MBD1: variants seen among roughly 807,000 people sequenced by gnomAD.
The protein encoded by MBD1 is methyl-CpG-binding domain protein 1.
A neutral mutation model predicts 82.6 loss-of-function variants in MBD1; 25 were observed. The observed-to-expected ratio is 0.30, with a 90% confidence interval of 0.22 to 0.42. MBD1 has a LOEUF of 0.42. Ranked by LOEUF, MBD1 falls within the 10% of genes least tolerant of loss-of-function variation. The pLI, the probability that MBD1 is intolerant of heterozygous loss-of-function variation, is 1.00. For synonymous variants in MBD1, 301 were observed against 303.7 expected (o/e 0.99, Z 0.09); for missense variants, 627 against 819.6 (o/e 0.76, Z 2.87).
chr18:50,278,238 A>G (rs1395992128), intron 2 of MBD1, among the ~76,000 whole-genome samples: 3 of 152,238 alleles, frequency 2.0e-5, no homozygotes, highest in Admixed American at 1.3e-4. Context: ...ATTCAAAACT[A>G]ATGAATTGTT....
chr18:50,276,433 A>T lies in MBD1; in HGVS notation c.476-15T>A. ...AATTCTCTGTGCTGTGGGGAGGAAG[A>T]GGGAAGAAGAAAAGTGGAAAGGAAG... On this transcript the variant is annotated splice_polypyrimidine_tract_variant and intron_variant, in intron 5 of 16. Coordinates refer to ENST00000269468, the MANE Select transcript of MBD1 (RefSeq NM_015846.4). 1 of 1,613,924 alleles carries T rather than the reference A, an allele frequency of 6.2e-7. No homozygotes were observed. The highest frequency in any genetic ancestry group is 1.3e-5 in the African/African-American group (1 of 75,034).
intron 16 of MBD1, chr18:50,270,117 A>AGTCTTT: frequency 6.3e-7 from 1 of 1,598,288 alleles, no homozygotes; most frequent in African/African-American, 1.3e-5. Context: ...CAGTCTATCC[A>AGTCTTT]GTCTTGACTA....
In MBD1 at chr18:50,269,146, A is replaced by C; in HGVS notation, c.*705T>G. On this transcript the variant is annotated 3_prime_UTR_variant, in exon 17 of 17. Coordinates refer to ENST00000269468, the MANE Select transcript of MBD1 (RefSeq NM_015846.4). Reference sequence around the variant, plus strand: ...AGGCCAGGTTCTCAATACTTGAATAAATGACACAAAAATAGCCAGGACCAG... The same window carrying C: ...AGGCCAGGTTCTCAATACTTGAATACATGACACAAAAATAGCCAGGACCAG... 2.9e-6 allele frequency: 3 copies of C among 1,037,390 alleles called. No homozygotes were observed. The highest frequency in any genetic ancestry group is 3.5e-6 in the Non-Finnish European group (3 of 861,318). The allele number at this position is 1,037,390 out of a possible 1,614,324, so 64.3% of individuals were successfully genotyped here. A position where few individuals can be genotyped will look rare whatever the true frequency, so the allele number is the denominator to read the frequency against.
At chr18:50,281,532 A>G (rs1255643353), upstream of MBD1, 12 of 575,916 alleles carry the variant, frequency 2.1e-5, no homozygotes, top group Admixed American at 9.5e-5. Context: ...CCGGAACCGG[A>G]AGTCCGCTGC....
intron 3 of MBD1, 30 bp from the exon 4 acceptor site, chr18:50,277,028 T>G (rs2038192771): frequency 6.2e-7 from 1 of 1,613,988 alleles, no homozygotes. Context: ...GGAATATGGG[T>G]CAGTGGTTGG....
intron 2 of MBD1, among the ~76,000 whole-genome samples, chr18:50,278,303 T>C (rs2148595293): frequency 6.6e-6 from 1 of 152,342 alleles, no homozygotes; most frequent in African/African-American, 2.4e-5. Flanking sequence ...TGTAGGTAAC[T>C]AAAGCTGTGG....
intron 2 of MBD1, 126 bp downstream of exon 2, chr18:50,279,757 T>C (rs2039488848): frequency 2.4e-6 from 3 of 1,271,548 alleles, no homozygotes; most frequent in African/African-American, 3.0e-5. Flanking sequence ...AAACATAAAA[T>C]CCGCTAATAA....
At position 50,273,694 on chromosome 18, in the gene MBD1, G is replaced by T; in HGVS notation, c.1316C>A (p.Thr439Lys). The part of the protein sequence containing the change: ...TAQPDHTQAP[T>K]KQEAGGGFVL... Reference sequence around the variant, plus strand: ...AAAGCCACCACCTGCTTCCTGCTTCGTTGGAGCCTGGGTATGGTCTGGTTG... The same window carrying T: ...AAAGCCACCACCTGCTTCCTGCTTCTTTGGAGCCTGGGTATGGTCTGGTTG... The change falls in exon 12 of 17, where the codon ACG becomes AAG. Residue 439 changes from threonine to lysine, a missense_variant. By Grantham distance (78) the Thr-to-Lys change is moderately conservative. Coordinates refer to ENST00000269468, the MANE Select transcript of MBD1 (RefSeq NM_015846.4). 6.2e-7 allele frequency: 1 copy of T among 1,614,128 alleles called. No homozygotes were observed. The highest frequency in any genetic ancestry group is 1.7e-5 in the Admixed American group (1 of 60,034).
At chr18:50,276,236 A>G in intron 6 of MBD1, 142 bp downstream of exon 6, 1 of 905,830 alleles carries the variant, frequency 1.1e-6, no homozygotes, top group Non-Finnish European at 1.8e-6. Context: ...AATTCCCATT[A>G]TTGTGTCTGC....
At chr18:50,274,013 C>T in intron 11 of MBD1, 150 bp from the exon 12 acceptor site, 1 of 1,301,962 alleles carries the variant, frequency 7.7e-7, no homozygotes, top group Non-Finnish European at 1.1e-6. Context: ...TGCTAGTCTC[C>T]TATTAGCAAC....
chr18:50,268,784 C>T, downstream of MBD1: 1 of 391,350 alleles, frequency 2.6e-6, no homozygotes, highest in Non-Finnish European at 3.5e-6. Context: ...ATCCCAGTTT[C>T]TCAGAGGCAG....
chr18:50,276,476 C>T, intron 5 of MBD1, 58 bp from the exon 6 acceptor site: 1 of 1,555,164 alleles, frequency 6.4e-7, no homozygotes, highest in Admixed American at 1.7e-5. Context: ...CATCTGACTT[C>T]ACTCACTGCC....
At position 50,268,989 on chromosome 18, in the gene MBD1, T is replaced by G; in HGVS notation, c.*862A>C. 1.0e-6 allele frequency: 1 copy of G among 985,086 alleles called. No homozygotes were observed. The highest frequency in any genetic ancestry group is 1.2e-6 in the Non-Finnish European group (1 of 829,594). The allele number at this position is 985,086 out of a possible 1,614,324, so 61.0% of individuals were successfully genotyped here. A position where few individuals can be genotyped will look rare whatever the true frequency, so the allele number is the denominator to read the frequency against. On this transcript the variant is annotated 3_prime_UTR_variant, in exon 17 of 17. Coordinates refer to ENST00000269468, the MANE Select transcript of MBD1 (RefSeq NM_015846.4). ...CAACAATTTTCTGAATTCTATATAT[T>G]CAGCATTAAATTCCATGATAAAGTT...
intron 10 of MBD1, among the ~76,000 whole-genome samples, 180 bp downstream of exon 10, chr18:50,274,797 T>A (rs1043451306): frequency 2.6e-5 from 4 of 152,236 alleles, no homozygotes; most frequent in Non-Finnish European, 5.9e-5. Flanking sequence ...ATATGTGACA[T>A]GAAGCACTCT....
chr18:50,280,246 A>G (rs898829356), intron 1 of MBD1, among the ~76,000 whole-genome samples: 2 of 151,968 alleles, frequency 1.3e-5, no homozygotes, highest in Admixed American at 1.3e-4. Flanking sequence ...CCTGTTTCTT[A>G]TTCTCAGTGT....
In MBD1 at chr18:50,274,916, T is replaced by C. The variant is rs1599380021; in HGVS notation, c.978+61A>G. 18 of 1,566,454 alleles carry C rather than the reference T, an allele frequency of 1.1e-5. No individual in the cohort carries two copies. In the East Asian group the frequency reaches 4.0e-4, roughly 35 times the overall value. On this transcript the variant is annotated intron_variant, in intron 10 of 16. Coordinates refer to ENST00000269468, the MANE Select transcript of MBD1 (RefSeq NM_015846.4). ...ATAGGCTCATTCCAGCATCTGCTTCTTTGAAGTTAACCAAGCGTCCTGAGA... is the reference window on the plus strand; with the variant it reads ...ATAGGCTCATTCCAGCATCTGCTTCCTTGAAGTTAACCAAGCGTCCTGAGA...
In MBD1 at chr18:50,276,817, T is replaced by G; in HGVS notation, c.392+15A>C. 6.2e-7 allele frequency: 1 copy of G among 1,614,154 alleles called. No homozygotes were observed. Among genetic ancestry groups the G allele is most frequent in the Non-Finnish European group, 8.5e-7 (1 of 1,180,020 alleles). On this transcript the variant is annotated intron_variant, in intron 4 of 16. Transcript: ENST00000269468. ...CAACCCTCACCCATCTGGCTCACCT[T>G]AGACCAACACTCACCCAGGAGCAGG...
At chr18:50,276,140 G>T in intron 6 of MBD1, 159 bp from the exon 7 acceptor site, 1 of 963,716 alleles carries the variant, frequency 1.0e-6, no homozygotes, top group Non-Finnish European at 1.6e-6. Flanking sequence ...CATCACTGAG[G>T]CCATTAGTAT....
chr18:50,276,089 A>G (rs1420312036), intron 6 of MBD1, 108 bp from the exon 7 acceptor site: 14 of 1,357,776 alleles, frequency 1.0e-5, no homozygotes, highest in African/African-American at 4.3e-5. Context: ...TTAGTCCCCC[A>G]TTAGCCTCAT....
Sources: gnomAD v4.1 joint callset for allele counts (sites outside exome capture counted in the v4.1 genomes callset) on GRCh38, gnomAD v4.1.1 for gene constraint, MANE v1.5 for transcripts, NCBI Gene and HGNC (gene_info 2026-07-23, HGNC 2026-07-21) for gene names.